Variants in EFNA5 observed in about 807,000 individuals in gnomAD.
The protein encoded by EFNA5 is ephrin-A5.
In EFNA5, 5 loss-of-function variants were observed where a neutral mutation model predicts 22.9. That is an observed-to-expected ratio of 0.22 (90% CI 0.11 to 0.46). The LOEUF (loss-of-function observed/expected upper bound fraction) is 0.46, where lower values mean the gene tolerates loss of function less well. EFNA5 is among the 20% of genes least tolerant of loss of function. EFNA5 has a pLI of 0.99. For synonymous variants in EFNA5, 113 were observed against 112.2 expected (o/e 1.01, Z -0.04); for missense variants, 237 against 293.3 (o/e 0.81, Z 1.40).
intron 1 of EFNA5, among the ~76,000 whole-genome samples, chr5:107,656,505 A>G (rs1171711323): frequency 2.0e-5 from 3 of 152,190 alleles, no homozygotes; most frequent in African/African-American, 7.2e-5. Context: ...ATGCTTTTAA[A>G]ATAAGTTTTA....
chr5:107,622,463 A>G (rs1032897118), intron 1 of EFNA5, among the ~76,000 whole-genome samples: 1 of 152,206 alleles, frequency 6.6e-6, no homozygotes, highest in African/African-American at 2.4e-5. Flanking sequence ...AAAATCACAC[A>G]TCATTATCAT....
chr5:107,381,091 A>G lies in EFNA5; in HGVS notation c.*164T>C. 1 of 1,079,440 alleles carries G rather than the reference A, an allele frequency of 9.3e-7. No individual in the cohort carries two copies. Among genetic ancestry groups the G allele is most frequent in the South Asian group, 2.0e-5 (1 of 50,016 alleles). 66.9% of individuals were successfully genotyped at this position (1,079,440 alleles called of 1,614,324 possible). ...GAGGCAGGAACAAGTTTAGGCCCCCAACCTGAAGTTGTTGCTTAGAATTCA... is the reference window on the plus strand; with the variant it reads ...GAGGCAGGAACAAGTTTAGGCCCCCGACCTGAAGTTGTTGCTTAGAATTCA... On this transcript the variant is annotated 3_prime_UTR_variant, in exon 5 of 5. Coordinates refer to ENST00000333274, the MANE Select transcript of EFNA5 (RefSeq NM_001962.3).
chr5:107,397,351 C>T (rs979396556), intron 2 of EFNA5, among the ~76,000 whole-genome samples: 1 of 152,036 alleles, frequency 6.6e-6, no homozygotes, highest in East Asian at 1.9e-4. Context: ...GAGTTCAACA[C>T]CAGCCTTGCC....
At chr5:107,457,128 C>T (rs1337517930) in intron 1 of EFNA5, among the ~76,000 whole-genome samples, 5 of 152,140 alleles carry the variant, frequency 3.3e-5, no homozygotes, top group African/African-American at 1.2e-4. Flanking sequence ...AATTGAAAGG[C>T]CCCTTTTGTC....
chr5:107,422,318 C>T (rs564864438), intron 2 of EFNA5, among the ~76,000 whole-genome samples: 1 of 152,262 alleles, frequency 6.6e-6, no homozygotes, highest in South Asian at 2.1e-4. Context: ...ATGTGCCAAG[C>T]AATGTAATAC....
chr5:107,383,310 T>A (rs1211229708), intron 4 of EFNA5, among the ~76,000 whole-genome samples: 1 of 151,980 alleles, frequency 6.6e-6, no homozygotes, highest in African/African-American at 2.4e-5. Context: ...GCAGAAAAAA[T>A]ATATATAAAG....
intron 1 of EFNA5, among the ~76,000 whole-genome samples, chr5:107,574,197 A>G (rs1489268623): frequency 6.6e-6 from 1 of 152,230 alleles, no homozygotes; most frequent in Non-Finnish European, 1.5e-5. Context: ...TCAGATGGAA[A>G]AGAGTTATTT....
intron 2 of EFNA5, among the ~76,000 whole-genome samples, chr5:107,401,259 T>G (rs902599654): frequency 6.6e-6 from 1 of 152,170 alleles, no homozygotes; most frequent in African/African-American, 2.4e-5. Context: ...AATAGGAAGA[T>G]TTATTGTATT....
intron 1 of EFNA5, among the ~76,000 whole-genome samples, chr5:107,481,855 A>AAT (rs1328469933): frequency 6.7e-6 from 1 of 150,358 alleles, no homozygotes; most frequent in African/African-American, 2.4e-5. Flanking sequence ...ATCTCAAAAA[A>AAT]AAAAAAAAGA....
intron 1 of EFNA5, among the ~76,000 whole-genome samples, chr5:107,515,563 A>T (rs992353263): frequency 2.0e-5 from 3 of 151,690 alleles, no homozygotes; most frequent in Middle Eastern, 3.4e-3. Context: ...TTTTTCGTAG[A>T]GACAGGGTTT....
At chr5:107,626,267 CT>C (rs1007660228) in intron 1 of EFNA5, among the ~76,000 whole-genome samples, 4 of 151,560 alleles carry the variant, frequency 2.6e-5, no homozygotes, top group East Asian at 1.9e-4. Flanking sequence ...AGTATGTCTT[CT>C]TTTTTTTTCT....
intron 1 of EFNA5, among the ~76,000 whole-genome samples, chr5:107,560,606 CGTTCTA>C (rs1748514617): frequency 6.6e-6 from 1 of 152,172 alleles, no homozygotes; most frequent in African/African-American, 2.4e-5. Flanking sequence ...CTTAAATATC[CGTTCTA>C]GTTTCACATA....
chr5:107,422,443 A>C (rs897956586), intron 2 of EFNA5, among the ~76,000 whole-genome samples: 1 of 152,242 alleles, frequency 6.6e-6, no homozygotes, highest in Admixed American at 6.5e-5. Context: ...GCAGAGAACA[A>C]GGTGTTATTT....
intron 1 of EFNA5, among the ~76,000 whole-genome samples, chr5:107,637,666 T>TTA (rs1002122286): frequency 2.0e-5 from 3 of 149,154 alleles, no homozygotes; most frequent in Non-Finnish European, 3.0e-5. Context: ...CATAAACTGA[T>TTA]TATATATATA....
chr5:107,497,622 CTTCT>C (rs200054427), intron 1 of EFNA5, among the ~76,000 whole-genome samples: 7,552 of 152,216 alleles, frequency 0.05, 647 homozygotes, highest in African/African-American at 0.17. Flanking sequence ...ATCTTAGCAA[CTTCT>C]TCAGTTTGTT....
intron 1 of EFNA5, among the ~76,000 whole-genome samples, chr5:107,569,611 G>T (rs1748753002): frequency 7.8e-6 from 1 of 128,808 alleles, no homozygotes. Context: ...AGCTCTTTGG[G>T]AGGCTGAGGT....
At chr5:107,604,454 G>C (rs1432412631) in intron 1 of EFNA5, among the ~76,000 whole-genome samples, 1 of 152,212 alleles carries the variant, frequency 6.6e-6, no homozygotes, top group Non-Finnish European at 1.5e-5. Context: ...ATAAACATGA[G>C]CTGGAAGAGA....
chr5:107,431,010 G>A (rs1018188387), intron 1 of EFNA5, among the ~76,000 whole-genome samples: 6 of 152,112 alleles, frequency 3.9e-5, no homozygotes, highest in African/African-American at 1.4e-4. Flanking sequence ...TCCTGACCTC[G>A]TGATCTGCCC....
chr5:107,467,420 G>A (rs1750016716), intron 1 of EFNA5, among the ~76,000 whole-genome samples: 1 of 152,164 alleles, frequency 6.6e-6, no homozygotes, highest in African/African-American at 2.4e-5. Context: ...AGAAAGAGCA[G>A]GCTTCTGGAT....
Sources: gnomAD v4.1 joint callset for allele counts (sites outside exome capture counted in the v4.1 genomes callset) on GRCh38, gnomAD v4.1.1 for gene constraint, MANE v1.5 for transcripts, NCBI Gene and HGNC (gene_info 2026-07-23, HGNC 2026-07-21) for gene names.